The following MAP3K21 variants were observed in gnomAD, a reference collection of about 807,000 sequenced individuals.
MAP3K21 encodes the protein mitogen-activated protein kinase kinase kinase MLK4.
A neutral mutation model predicts 86.1 loss-of-function variants in MAP3K21; 63 were observed. The observed-to-expected ratio is 0.73, with a 90% CI of 0.60 to 0.90. MAP3K21 has a LOEUF of 0.90. MAP3K21 is among the 40% of genes least tolerant of loss of function. The probability of loss-of-function intolerance (pLI) is 0.00; values close to 1 mark genes in which losing one functional copy is unlikely to be tolerated. For missense variants in MAP3K21, 1,220 were observed against 1,367.7 expected, an observed-to-expected ratio of 0.89 and a Z score of 1.70; for synonymous variants, 558 against 564.8, an observed-to-expected ratio of 0.99 and a Z score of 0.17.
At chr1:233,332,515 A>G (rs1369852962) in intron 1 of MAP3K21, among the ~76,000 whole-genome samples, 1 of 152,044 alleles carries the variant, frequency 6.6e-6, no homozygotes, top group Non-Finnish European at 1.5e-5. Flanking sequence ...GTGCACATGG[A>G]GGTTTCACTT....
At position 233,382,291 on chromosome 1, in the gene MAP3K21, G is replaced by C. The variant is rs1410550419; in HGVS notation, c.2705-14G>C. 1.2e-6 allele frequency: 2 copies of C among 1,600,968 alleles called. No individual in the cohort carries two copies. The highest frequency in any genetic ancestry group is 1.7e-4 in the Middle Eastern group (1 of 6,008). On this transcript the variant is annotated splice_polypyrimidine_tract_variant and intron_variant, in intron 9 of 9. Transcript: ENST00000366624. ...TTCTTTCTAACTGCATACTGTTTTG[G>C]CTTTCTCAACCAGCTGGTGCAACTA...
intron 1 of MAP3K21, among the ~76,000 whole-genome samples, chr1:233,330,439 T>C (rs952137859): frequency 6.6e-6 from 1 of 152,156 alleles, no homozygotes; most frequent in Non-Finnish European, 1.5e-5. Flanking sequence ...CGATAATATA[T>C]ATATATTTTT....
In MAP3K21 at chr1:233,376,410, G is replaced by A. The variant is rs992287813; in HGVS notation, c.1827-20G>A. ...GTTGTGTGCTTCTATCTTATGAAAA[G>A]AAACATTTTTCTCTTGTAGGATAAG... On this transcript the variant is annotated intron_variant, in intron 7 of 9. Transcript: ENST00000366624. 3.9e-6 allele frequency: 6 copies of A among 1,558,068 alleles called. No homozygotes were observed. In the East Asian group the frequency reaches 1.1e-4, roughly 29 times the overall value.
At chr1:233,373,428 C>T (rs1466007724) in intron 6 of MAP3K21, 1 of 152,190 alleles carries the variant, frequency 6.6e-6, no homozygotes, top group African/African-American at 2.4e-5. Context: ...AAGATGTGTA[C>T]CAGTTAAAGT....
At chr1:233,357,089 C>T (rs1016516174) in intron 4 of MAP3K21, among the ~76,000 whole-genome samples, 1 of 152,186 alleles carries the variant, frequency 6.6e-6, no homozygotes, top group African/African-American at 2.4e-5. Flanking sequence ...TTCTTCTAAT[C>T]AACTTCTTCT....
intron 4 of MAP3K21, among the ~76,000 whole-genome samples, chr1:233,360,667 T>C (rs958080821): frequency 1.3e-5 from 2 of 152,198 alleles, no homozygotes; most frequent in African/African-American, 4.8e-5. Flanking sequence ...TCCTGTTTAT[T>C]TTCTTTACGA....
rs540397103 is a variant in MAP3K21 at position 233,362,406 on chromosome 1, G to C, written c.1552+113G>C. 967 of 1,085,906 alleles carry C rather than the reference G, an allele frequency of 8.9e-4. 14 individuals carry two copies. The South Asian group carries it at 0.014, about 15-fold the overall frequency. The allele number at this position is 1,085,906 out of a possible 1,614,324, so 67.3% of individuals were successfully genotyped here. A position where few individuals can be genotyped will look rare whatever the true frequency, so the allele number is the denominator to read the frequency against. On this transcript the variant is annotated intron_variant, in intron 5 of 9. Coordinates refer to ENST00000366624, the MANE Select transcript of MAP3K21 (RefSeq NM_032435.3). The stretch of plus-strand genomic sequence containing the variant: ...TAGGGAAGTAACTTTGTAAAACAGT[G>C]AATGAATGAGTATCTTCAGCTGTAG...
At chr1:233,342,018 T>C (rs1469438863) in intron 1 of MAP3K21, among the ~76,000 whole-genome samples, 1 of 152,218 alleles carries the variant, frequency 6.6e-6, no homozygotes, top group Non-Finnish European at 1.5e-5. Flanking sequence ...ATTTTGTTGT[T>C]GTTGTTGTTT....
chr1:233,333,854 G>T (rs1223141620), intron 1 of MAP3K21, among the ~76,000 whole-genome samples: 1 of 152,000 alleles, frequency 6.6e-6, no homozygotes, highest in African/African-American at 2.4e-5. Context: ...AACAGCATTG[G>T]CTTTTTTGTG....
chr1:233,352,394 C>T (rs572213927), intron 2 of MAP3K21, among the ~76,000 whole-genome samples: 11 of 151,172 alleles, frequency 7.3e-5, no homozygotes, highest in African/African-American at 2.4e-4. Flanking sequence ...TCCTACAGTG[C>T]GTTAAAACAG....
At position 233,328,490 on chromosome 1, in the gene MAP3K21, CCAGGACCCGGAG is replaced by C. The variant is rs2102754875; in HGVS notation, c.469_480del (p.Pro157_Asp160del). The C allele has an allele frequency of 6.6e-7, 1 of 1,513,532 alleles. No homozygotes were observed. The highest frequency in any genetic ancestry group is 1.4e-5 in the African/African-American group (1 of 69,654). The allele number at this position is 1,513,532 out of a possible 1,614,324, so 93.8% of individuals were successfully genotyped here. A position where few individuals can be genotyped will look rare whatever the true frequency, so the allele number is the denominator to read the frequency against. On this transcript the variant is annotated inframe_deletion, in exon 1 of 10. Coordinates refer to ENST00000366624, the MANE Select transcript of MAP3K21 (RefSeq NM_032435.3). The surrounding 1 kb of genome is among the most constrained non-coding windows in gnomAD (Gnocchi z 8.7). ...AGGAGGTGGCCGTGAAGGCGGCGCG[CCAGGACCCGGAG>C]CAGGACGCGGCGGCGGCTGCCGAGA...
chr1:233,341,829 T>G (rs1169581225), intron 1 of MAP3K21, among the ~76,000 whole-genome samples: 2 of 152,280 alleles, frequency 1.3e-5, no homozygotes, highest in East Asian at 3.9e-4. Context: ...AATGAGGAGA[T>G]AATGTGTATA....
intron 1 of MAP3K21, among the ~76,000 whole-genome samples, chr1:233,340,463 G>A (rs1314049946): frequency 6.6e-6 from 1 of 152,176 alleles, no homozygotes; most frequent in African/African-American, 2.4e-5. Flanking sequence ...GGTTCATTCA[G>A]GAGAGTACAA....
At chr1:233,367,250 A>T (rs923633885) in intron 5 of MAP3K21, among the ~76,000 whole-genome samples, 1 of 152,202 alleles carries the variant, frequency 6.6e-6, no homozygotes, top group Non-Finnish European at 1.5e-5. Context: ...GATGGGAGAG[A>T]GCATATAACC....
chr1:233,357,867 C>T (rs1030248889), intron 4 of MAP3K21, among the ~76,000 whole-genome samples: 3 of 152,174 alleles, frequency 2.0e-5, no homozygotes, highest in Non-Finnish European at 2.9e-5. Flanking sequence ...TCCAAGTCAA[C>T]GACTTGCTAG....
intron 1 of MAP3K21, among the ~76,000 whole-genome samples, chr1:233,329,661 A>T (rs534291976): frequency 3.1e-4 from 47 of 152,300 alleles, no homozygotes; most frequent in Non-Finnish European, 5.6e-4. Flanking sequence ...CTCAAAAAAA[A>T]AAAAAGTGTC....
Position 233,362,267 on chromosome 1 carries a change from A to G in MAP3K21, c.1526A>G (p.Asp509Gly). 6.2e-7 allele frequency: 1 copy of G among 1,614,216 alleles called. No individual in the cohort carries two copies. The highest frequency in any genetic ancestry group is 1.7e-5 in the Admixed American group (1 of 60,028). The change falls in exon 5 of 10, where the codon GAT (aspartate) becomes GGT (glycine). Residue 509 changes from aspartate to glycine, a missense_variant. By Grantham distance (94) the Asp-to-Gly change is moderately conservative (BLOSUM62 -1). Coordinates refer to ENST00000366624, the MANE Select transcript of MAP3K21 (RefSeq NM_032435.3). ...AAGAGAAGTCGTTTAAAGCTCAAAG[A>G]TGGACATCGAATCAGTTTACCTTCA... Reference protein sequence around the residue: ...KFKRSRLKLKDGHRISLPSDF... With the variant: ...KFKRSRLKLKGGHRISLPSDF...
chr1:233,365,973 A>T (rs1339952778), intron 5 of MAP3K21, among the ~76,000 whole-genome samples: 1 of 152,240 alleles, frequency 6.6e-6, no homozygotes, highest in Non-Finnish European at 1.5e-5. Flanking sequence ...GAATTAAGAC[A>T]ATGTGGTGTG....
In MAP3K21 at chr1:233,378,992, A is replaced by C; in HGVS notation, c.1986A>C (p.Ile662=). 1.2e-6 allele frequency: 2 copies of C among 1,614,172 alleles called. No homozygotes were observed. ...TAGAACACAGAAAACCAAAACAAAT[A>C]AAATTGCCTAGTCAGGCCTACATTG... ...DGLEHRKPKQ[I]KLPSQAYIDL... is the part of the protein sequence containing the mutation. Residue 662 remains isoleucine, a synonymous_variant, in exon 9 of 10, where the codon ATA becomes ATC. Transcript: ENST00000366624.
Sources: gnomAD v4.1 joint callset for allele counts (sites outside exome capture counted in the v4.1 genomes callset) on GRCh38, gnomAD v4.1.1 for gene constraint, Gnocchi (gnomAD v3.1) non-coding constraint, MANE v1.5 for transcripts, NCBI Gene and HGNC (gene_info 2026-07-23, HGNC 2026-07-21) for gene names.